The following MARK3 variants were observed in gnomAD, a reference collection of about 807,000 sequenced individuals.
MARK3 encodes the protein MAP/microtubule affinity-regulating kinase 3.
Under a neutral mutation model 90.1 loss-of-function variants are expected in MARK3, and 46 were observed. The ratio of observed to expected loss-of-function variants is 0.51; its 90% confidence interval spans 0.40 to 0.65. The LOEUF is 0.65. MARK3 is among the 30% of genes least tolerant of loss of function. The pLI, the probability that MARK3 is intolerant of heterozygous loss-of-function variation, is 0.00. For missense variants in MARK3, 818 were observed against 947.2 expected (o/e 0.86, Z 1.79); for synonymous variants, 321 against 332.6 (o/e 0.97, Z 0.38).
chr14:103,403,018 A>T lies in MARK3; in HGVS notation c.52-2058A>T, dbSNP rs540709118. On this transcript the variant is annotated intron_variant, in intron 1 of 17. Coordinates refer to ENST00000429436, the MANE Select transcript of MARK3 (RefSeq NM_001128918.3). ...AGAATTATAATCTTGGAGCAATGTT[A>T]CATCCCTCCCCCTCCCCTGGCCCCC... 3.3e-3 allele frequency among the ~76,000 whole-genome samples: 497 copies of T among 151,834 alleles called. 2 individuals carry two copies. The highest frequency in any genetic ancestry group is 0.011 in the African/African-American group (475 of 41,322).
chr14:103,387,733 T>C (rs754802200), intron 1 of MARK3, among the ~76,000 whole-genome samples: 10 of 152,000 alleles, frequency 6.6e-5, no homozygotes, highest in Admixed American at 5.9e-4. Context: ...CCTCATGTGA[T>C]CCACCCGCCT....
chr14:103,491,213 C>T (rs2094009907), intron 14 of MARK3: 4 of 814,098 alleles, frequency 4.9e-6, no homozygotes, highest in African/African-American at 1.8e-5. Context: ...GTCCACAAGG[C>T]GTCCTTCCTC....
intron 2 of MARK3, among the ~76,000 whole-genome samples, chr14:103,405,564 A>G (rs1247534247): frequency 6.6e-6 from 1 of 152,026 alleles, no homozygotes; most frequent in East Asian, 1.9e-4. Context: ...GATGGTCTCG[A>G]TCTCCTGACC....
chr14:103,470,707 T>G (rs1403945276), intron 12 of MARK3, among the ~76,000 whole-genome samples: 1 of 152,014 alleles, frequency 6.6e-6, no homozygotes, highest in Admixed American at 6.6e-5. Flanking sequence ...TCCATCCACC[T>G]CAGCCTCCCA....
intron 3 of MARK3, among the ~76,000 whole-genome samples, chr14:103,435,311 A>G (rs1050558396): frequency 2.6e-5 from 4 of 151,784 alleles, no homozygotes; most frequent in Non-Finnish European, 4.4e-5. Flanking sequence ...AAATGTGGTG[A>G]TCTCAGTACA....
At chr14:103,445,075 A>AT (rs34710838) in intron 3 of MARK3, among the ~76,000 whole-genome samples, 60 of 147,740 alleles carry the variant, frequency 4.1e-4, no homozygotes, top group East Asian at 1.8e-3. Context: ...TAATTTGTTG[A>AT]TTTTTTTTTT....
At chr14:103,501,266 C>T (rs1473829756) in intron 17 of MARK3, among the ~76,000 whole-genome samples, 1 of 152,210 alleles carries the variant, frequency 6.6e-6, no homozygotes, top group East Asian at 1.9e-4. Context: ...GAGTGCCAGG[C>T]AGCATTCCCT....
chr14:103,470,960 T>C (rs1430523067), intron 12 of MARK3, among the ~76,000 whole-genome samples: 1 of 152,150 alleles, frequency 6.6e-6, no homozygotes, highest in Admixed American at 6.5e-5. Context: ...TGTACTAATA[T>C]CACTAGTAAA....
At chr14:103,471,487 A>AGC (rs1374434571) in intron 12 of MARK3, among the ~76,000 whole-genome samples, 1 of 152,180 alleles carries the variant, frequency 6.6e-6, no homozygotes, top group Non-Finnish European at 1.5e-5. Flanking sequence ...TCTCCACTGA[A>AGC]GCACCTCATT....
intron 15 of MARK3, among the ~76,000 whole-genome samples, chr14:103,496,295 A>T (rs369366345): frequency 3.1e-4 from 47 of 152,140 alleles, no homozygotes; most frequent in African/African-American, 1.0e-3. Flanking sequence ...GAAGATTAGG[A>T]AATGTCCAGG....
intron 5 of MARK3, among the ~76,000 whole-genome samples, chr14:103,455,058 G>C (rs898083885): frequency 6.6e-6 from 1 of 152,070 alleles, no homozygotes; most frequent in African/African-American, 2.4e-5. Context: ...TTGAACTCCT[G>C]AATTATAATT....
intron 2 of MARK3, among the ~76,000 whole-genome samples, chr14:103,422,073 TCTTA>T (rs1218744436): frequency 6.6e-6 from 1 of 152,226 alleles, no homozygotes; most frequent in Admixed American, 6.5e-5. Context: ...ATGCTTGTAG[TCTTA>T]CTTGTTTTTC....
chr14:103,427,678 T>C (rs894269211), intron 2 of MARK3, among the ~76,000 whole-genome samples: 1 of 152,102 alleles, frequency 6.6e-6, no homozygotes, highest in Non-Finnish European at 1.5e-5. Flanking sequence ...CCTCCCCTTT[T>C]AGGGGACTAT....
At chr14:103,463,894 C>A (rs932540558) in intron 7 of MARK3, among the ~76,000 whole-genome samples, 2 of 152,144 alleles carry the variant, frequency 1.3e-5, no homozygotes, top group African/African-American at 2.4e-5. Flanking sequence ...TCCCCAGCCC[C>A]CTCTACACAT....
intron 12 of MARK3, among the ~76,000 whole-genome samples, chr14:103,468,718 G>A (rs2093566501): frequency 6.6e-6 from 1 of 151,406 alleles, no homozygotes; most frequent in Non-Finnish European, 1.5e-5. Flanking sequence ...GATTTTTGCT[G>A]GATAAAGCTT....
intron 3 of MARK3, among the ~76,000 whole-genome samples, chr14:103,439,299 C>T (rs1344926983): frequency 1.3e-5 from 2 of 152,178 alleles, no homozygotes; most frequent in African/African-American, 2.4e-5. Flanking sequence ...TAAACACTAA[C>T]AAGGATTTTG....
At position 103,440,947 on chromosome 14, in the gene MARK3, A is replaced by G. The variant is rs527418891; in HGVS notation, c.298-7972A>G. ...CAGGAGCCCCTCTTAAAAAAAAAAA[A>G]AGAAAAGAAAAGAAAAATCTCATTA... On this transcript the variant is annotated intron_variant, in intron 3 of 17. Transcript: ENST00000429436. Among the ~76,000 whole-genome samples the G allele has an allele frequency of 1.0e-3, 156 of 149,204 alleles. 6 individuals are homozygous for G. The East Asian group carries it at 0.026, about 25-fold the overall frequency.
intron 12 of MARK3, among the ~76,000 whole-genome samples, chr14:103,469,762 A>G (rs1400622446): frequency 6.6e-6 from 1 of 151,472 alleles, no homozygotes; most frequent in Non-Finnish European, 1.5e-5. Flanking sequence ...GCTGATTTTT[A>G]CCCTTTTAAA....
chr14:103,501,291 A>G (rs967771649), intron 17 of MARK3, among the ~76,000 whole-genome samples: 15 of 152,258 alleles, frequency 9.9e-5, no homozygotes, highest in African/African-American at 3.6e-4. Flanking sequence ...AGGCCTACCC[A>G]TCCCAGCCAG....
Sources: allele counts gnomAD v4.1 joint callset (sites outside exome capture counted in the v4.1 genomes callset), GRCh38; gene constraint gnomAD v4.1.1; transcripts MANE v1.5; gene names NCBI Gene and HGNC (gene_info 2026-07-23, HGNC 2026-07-21).